The following LAMB3 variants were observed in gnomAD, a reference collection of about 807,000 sequenced individuals.
LAMB3 encodes laminin subunit beta-3.
Under a neutral mutation model 140.3 loss-of-function variants are expected in LAMB3, and 104 were observed. The observed-to-expected ratio is 0.74, with a 90% CI of 0.63 to 0.87. The LOEUF is 0.87. Among genes scored for constraint, LAMB3 ranks in the 40% least tolerant of loss-of-function variants. The pLI, the probability that LAMB3 is intolerant of heterozygous loss-of-function variation, is 0.00. For synonymous variants in LAMB3, 592 were observed against 602.9 expected, an observed-to-expected ratio of 0.98 and a Z score of 0.26; for missense variants, 1,531 against 1,575.2, an observed-to-expected ratio of 0.97 and a Z score of 0.47.
intron 18 of LAMB3, among the ~76,000 whole-genome samples, chr1:209,621,314 C>A (rs1179897274): frequency 6.6e-6 from 1 of 152,216 alleles, no homozygotes; most frequent in African/African-American, 2.4e-5. Context: ...GGGGCACAAT[C>A]TCCCTACATC....
intron 9 of LAMB3, 84 bp from the exon 10 acceptor site, chr1:209,630,009 C>T: frequency 1.5e-6 from 2 of 1,295,744 alleles, no homozygotes; most frequent in African/African-American, 2.9e-5. Context: ...TCACTGGCAT[C>T]TGTAACAACT....
chr1:209,619,854 G>A (rs1666124503), intron 18 of LAMB3, among the ~76,000 whole-genome samples: 1 of 152,220 alleles, frequency 6.6e-6, no homozygotes, highest in Non-Finnish European at 1.5e-5. Flanking sequence ...CTCCTGGAGG[G>A]TGGAAGCCAT....
chr1:209,642,742 G>C (rs886410914), intron 3 of LAMB3, among the ~76,000 whole-genome samples: 1 of 152,200 alleles, frequency 6.6e-6, no homozygotes, highest in African/African-American at 2.4e-5. Flanking sequence ...GCCTCCCAAA[G>C]TGCTGAGATT....
chr1:209,649,810 A>C (rs2076548951), intron 3 of LAMB3, among the ~76,000 whole-genome samples, 154 bp downstream of exon 3: 1 of 152,236 alleles, frequency 6.6e-6, no homozygotes, highest in Non-Finnish European at 1.5e-5. Flanking sequence ...CTTAGAGGCA[A>C]GGATCTGGCC....
intron 11 of LAMB3, 50 bp downstream of exon 11, chr1:209,627,985 G>A (rs1022580030): frequency 6.4e-6 from 10 of 1,554,528 alleles, no homozygotes; most frequent in Non-Finnish European, 8.7e-6. Flanking sequence ...TGGGTCTGGT[G>A]GCCCCATGCA....
intron 20 of LAMB3, 115 bp downstream of exon 20, chr1:209,617,792 C>T: frequency 7.1e-7 from 1 of 1,416,456 alleles, no homozygotes; most frequent in South Asian, 1.2e-5. Context: ...TTGTCACTCT[C>T]CTCTAGAACT....
rs2076549394 is a variant in LAMB3 at position 209,649,859 on chromosome 1, A to G, written c.183+105T>C. ...GCACTCCCCAGTCCGTGTAGTACAC[A>G]GGGCTTGGCCTACACCAAGTACATT... On this transcript the variant is annotated intron_variant, in intron 3 of 22. Transcript: ENST00000356082. The G allele has an allele frequency of 3.1e-6, 4 of 1,283,344 alleles. No homozygotes were observed. In the Admixed American group the frequency reaches 7.0e-5, roughly 22 times the overall value. The allele number at this position is 1,283,344 out of a possible 1,614,324, so 79.5% of individuals were successfully genotyped here.
At position 209,622,611 on chromosome 1, in the gene LAMB3, C is replaced by A. The variant is rs751715563; in HGVS notation, c.2626G>T (p.Ala876Ser). 1 of 1,613,554 alleles carries A rather than the reference C, an allele frequency of 6.2e-7. No homozygotes were observed. Among genetic ancestry groups the A allele is most frequent in the Admixed American group, 1.7e-5 (1 of 60,018 alleles). ...TCTTCCTCCATCTGGGAGCGGCTGG[C>A]GCTCACCTGGGTCTCCAAGCGCTGG... Reference protein sequence around the residue: ...SAQRLETQVSASRSQMEEDVR... With the variant: ...SAQRLETQVSSSRSQMEEDVR... The change falls in exon 18 of 23, where the codon GCC becomes TCC. Residue 876 changes from alanine to serine, a missense_variant. Transcript: ENST00000356082.
intron 22 of LAMB3, among the ~76,000 whole-genome samples, chr1:209,615,647 C>A (rs536394748): frequency 3.3e-5 from 5 of 152,302 alleles, no homozygotes; most frequent in South Asian, 4.1e-4. Flanking sequence ...TATCCCTGGG[C>A]CCCTGACCCT....
intron 8 of LAMB3, among the ~76,000 whole-genome samples, chr1:209,631,319 A>C (rs2236893): frequency 0.84 from 128,459 of 152,224 alleles, 54,274 homozygotes; most frequent in Middle Eastern, 0.93. Flanking sequence ...GCATAGCAAG[A>C]TGAACTTCTA....
chr1:209,630,375 G>A (rs1365528546), intron 9 of LAMB3, among the ~76,000 whole-genome samples: 1 of 152,208 alleles, frequency 6.6e-6, no homozygotes, highest in Admixed American at 6.5e-5. Flanking sequence ...CCTAAACAGG[G>A]TAAAGCAACT....
intron 14 of LAMB3, among the ~76,000 whole-genome samples, chr1:209,624,275 A>C (rs1402731331): frequency 6.6e-6 from 1 of 152,092 alleles, no homozygotes; most frequent in Admixed American, 6.5e-5. Flanking sequence ...CCTCTTCCAG[A>C]TCCTGGCTTC....
intron 5 of LAMB3, among the ~76,000 whole-genome samples, chr1:209,637,332 A>G (rs928299690): frequency 1.1e-4 from 16 of 152,332 alleles, no homozygotes; most frequent in Admixed American, 6.5e-4. Flanking sequence ...CTATTTCTGT[A>G]GAAAGAATAA....
rs114040223 is a variant in LAMB3, at chr1:209,617,514, G to C, written c.3124C>G (p.Arg1042Gly). 9.9e-6 allele frequency: 16 copies of C among 1,614,054 alleles called. No homozygotes were observed. The South Asian group carries it at 1.8e-4, about 18-fold the overall frequency. Residue 1042 changes from arginine to glycine, a missense_variant, in exon 21 of 23, where the codon CGG becomes GGG. Arg to Gly is a moderately radical substitution (Grantham distance 125). Coordinates refer to ENST00000356082, the MANE Select transcript of LAMB3 (RefSeq NM_000228.3). ...MTKQLGDFWTRMEELRHQARQ... is the reference protein window; with the variant it reads ...MTKQLGDFWTGMEELRHQARQ... ...GCTTGGTGGCGGAGCTCCTCCATCC[G>C]TGTCCAGAAGTCACCCAGCTGCTTG...
chr1:209,619,521 C>G (rs528579670), intron 18 of LAMB3, among the ~76,000 whole-genome samples: 1 of 152,282 alleles, frequency 6.6e-6, no homozygotes, highest in East Asian at 1.9e-4. Context: ...GTTTCCTGAT[C>G]GGTGAAAAAG....
At chr1:209,638,510 T>C in intron 4 of LAMB3, 24 bp downstream of exon 4, 1 of 1,471,138 alleles carries the variant, frequency 6.8e-7, no homozygotes, top group Non-Finnish European at 9.5e-7. Flanking sequence ...ACAGTTTGAG[T>C]TCCCGTAGAT....
chr1:209,632,049 G>A (rs17388638), intron 8 of LAMB3, among the ~76,000 whole-genome samples: 2,648 of 152,252 alleles, frequency 0.017, 41 homozygotes, highest in Non-Finnish European at 0.025. Context: ...AAACTGGAAC[G>A]TCTCAAACCC....
At chr1:209,638,470 CT>C (rs2076423250) in intron 4 of LAMB3, 63 bp downstream of exon 4, 4 of 1,086,640 alleles carry the variant, frequency 3.7e-6, no homozygotes, top group Non-Finnish European at 4.3e-6. Flanking sequence ...TATAGGGCAC[CT>C]TCCATCCGTC....
chr1:209,622,667 T>A lies in LAMB3; in HGVS notation c.2570A>T (p.Glu857Val). 3.1e-6 allele frequency: 5 copies of A among 1,614,140 alleles called. No individual in the cohort carries two copies. Among genetic ancestry groups the A allele is most frequent in the Non-Finnish European group, 4.2e-6 (5 of 1,180,022 alleles). The change falls in exon 18 of 23, where the codon GAG becomes GTG. Residue 857 changes from glutamate (E) to valine (V), a missense_variant. Coordinates refer to ENST00000356082, the MANE Select transcript of LAMB3 (RefSeq NM_000228.3). ...GGATTGAATCTGTGAGGCAGATTCCTCGGCTGCCCTAATCTGTTGACATAC... is the reference window on the plus strand; with the variant it reads ...GGATTGAATCTGTGAGGCAGATTCCACGGCTGCCCTAATCTGTTGACATAC... ...QRTRQMIRAA[E>V]ESASQIQSSA...
Sources: allele counts gnomAD v4.1 joint callset (sites outside exome capture counted in the v4.1 genomes callset), GRCh38; gene constraint gnomAD v4.1.1; transcripts MANE v1.5; gene names NCBI Gene and HGNC (gene_info 2026-07-23, HGNC 2026-07-21).